Variants in PTPN18 observed in about 807,000 individuals in gnomAD.
The protein encoded by PTPN18 is protein tyrosine phosphatase non-receptor type 18, also known as tyrosine-protein phosphatase non-receptor type 18.
PTPN18 carries 65 observed loss-of-function variants against 65.4 expected under a neutral mutation model. That is an observed-to-expected ratio of 0.99 (90% CI 0.81 to 1.22). PTPN18 has a LOEUF of 1.22. Among genes scored for constraint, PTPN18 ranks in the 50% most tolerant of loss-of-function variants. The probability of loss-of-function intolerance (pLI) is 0.00; values close to 1 mark genes in which losing one functional copy is unlikely to be tolerated. For missense variants in PTPN18, 616 were observed against 646.5 expected, an observed-to-expected ratio of 0.95 and a Z score of 0.51; for synonymous variants, 255 against 267.8, an observed-to-expected ratio of 0.95 and a Z score of 0.47.
At chr2:130,369,457 T>G (rs1468123171) in intron 6 of PTPN18, among the ~76,000 whole-genome samples, 1 of 152,182 alleles carries the variant, frequency 6.6e-6, no homozygotes, top group Non-Finnish European at 1.5e-5. Context: ...CAAAAGAGCT[T>G]GGGGAACTCT....
Position 130,369,818 on chromosome 2 carries a change from A to C in PTPN18, c.537A>C (p.Thr179=), listed in dbSNP as rs779331894. The change falls in exon 7 of 15, where the codon ACA becomes ACC. Residue 179 remains threonine (T), a synonymous_variant. Transcript: ENST00000175756. ...EDIMLRTLKV[T]FQKESRSVYQ... ...TCATGCTCAGGACCCTCAAGGTCAC[A>C]TTCCAGAAGGTACTGTGACAGGGGA... The C allele has an allele frequency of 2.5e-6, 4 of 1,598,758 alleles. No individual in the cohort carries two copies. Among genetic ancestry groups the C allele is most frequent in the Non-Finnish European group, 1.7e-6 (2 of 1,166,382 alleles).
At chr2:130,370,286 C>T in intron 8 of PTPN18, 96 bp downstream of exon 8, 1 of 1,541,290 alleles carries the variant, frequency 6.5e-7, no homozygotes, top group South Asian at 1.2e-5. Flanking sequence ...AGTCTGAGTG[C>T]CTATTTTGAG....
At chr2:130,359,026 C>T (rs370291726) in intron 2 of PTPN18, 51 bp downstream of exon 2, 310 of 1,572,130 alleles carry the variant, frequency 2.0e-4, no homozygotes, top group Non-Finnish European at 2.6e-4. Context: ...CGCCCTGCCA[C>T]GTCCAGGCGT....
chr2:130,363,299 T>C (rs1166671347), intron 5 of PTPN18, among the ~76,000 whole-genome samples: 1 of 151,290 alleles, frequency 6.6e-6, no homozygotes, highest in Admixed American at 6.6e-5. Flanking sequence ...ATACAAACAT[T>C]AGCTGGGCAT....
At chr2:130,372,153 C>G (rs1358151212) in intron 12 of PTPN18, 104 bp from the exon 13 acceptor site, 4 of 1,141,690 alleles carry the variant, frequency 3.5e-6, no homozygotes, top group Non-Finnish European at 4.9e-6. Flanking sequence ...TAGCGCACCG[C>G]CTCGGCGGGA....
Position 130,370,131 on chromosome 2 carries a change from G to T in PTPN18, c.630G>T (p.Met210Ile), listed in dbSNP as rs150954637. 2.6e-4 allele frequency: 412 copies of T among 1,614,046 alleles called. 1 individual carries two copies. The African/African-American group carries it at 5.1e-3, about 20-fold the overall frequency. Residue 210 changes from methionine (M) to isoleucine (I), a missense_variant, in exon 8 of 15, where the codon ATG (methionine) becomes ATT (isoleucine). Coordinates refer to ENST00000175756, the MANE Select transcript of PTPN18 (RefSeq NM_014369.4). ...GCAGTCCTGACCACATGCTCGCCAT[G>T]GTGGAGGAAGCCCGTCGCCTCCAGG... ...VPSSPDHMLA[M>I]VEEARRLQGS... is the part of the protein sequence containing the mutation.
At chr2:130,371,413 G>C in intron 12 of PTPN18, 126 bp downstream of exon 12, 1 of 815,270 alleles carries the variant, frequency 1.2e-6, no homozygotes, top group Non-Finnish European at 1.9e-6. Context: ...TCTTCGAATT[G>C]AGCTCTGGGA....
rs1455238145 is a variant in PTPN18 at position 130,359,502 on chromosome 2, T to TG, written c.375+15dup. On this transcript the variant is annotated intron_variant, in intron 4 of 14. Coordinates refer to ENST00000175756, the MANE Select transcript of PTPN18 (RefSeq NM_014369.4). Reference sequence around the variant, plus strand: ...GGAGTTTGGGGTCAAGGTCAGCACTTGGGGGTGCGGCACAATGGTGGGGTC... The same window carrying TG: ...GGAGTTTGGGGTCAAGGTCAGCACTTGGGGGGTGCGGCACAATGGTGGGGTC... 6.2e-7 allele frequency: 1 copy of TG among 1,613,960 alleles called. No individual in the cohort carries two copies. Among genetic ancestry groups the TG allele is most frequent in the South Asian group, 1.1e-5 (1 of 91,074 alleles).
rs1680690857 is a variant in PTPN18, at chr2:130,374,746, CCT to C, written c.*1523_*1524del. On this transcript the variant is annotated 3_prime_UTR_variant, in exon 15 of 15. Transcript: ENST00000175756. ...CAGTGCCCTGGGCCCCATGTCCACC[CCT>C]GTCCTGCCCTTCTCTGGGATAGGGC... The C allele has an allele frequency of 2.1e-6, 1 of 466,880 alleles. No individual in the cohort carries two copies. The highest frequency in any genetic ancestry group is 4.4e-6 in the Non-Finnish European group (1 of 226,224). 28.9% of individuals were successfully genotyped at this position (466,880 alleles called of 1,614,324 possible).
rs746530309 is a variant in PTPN18, at chr2:130,359,399, C to T, written c.282C>T (p.Gly94=). The change falls in exon 4 of 15, where the codon GGC becomes GGT. Residue 94 remains glycine (G), a splice_region_variant and synonymous_variant. Coordinates refer to ENST00000175756, the MANE Select transcript of PTPN18 (RefSeq NM_014369.4). The part of the protein sequence containing the change: ...SDYINGNFIR[G]VDGSLAYIAT... Reference sequence around the variant, plus strand: ...GTCGTGAATTCGGCCTTCACCAGGGCGTGGATGGAAGCCTGGCCTACATTG... The same window carrying T: ...GTCGTGAATTCGGCCTTCACCAGGGTGTGGATGGAAGCCTGGCCTACATTG... 1.1e-5 allele frequency: 18 copies of T among 1,614,018 alleles called. No individual in the cohort carries two copies. The highest frequency in any genetic ancestry group is 5.0e-5 in the Admixed American group (3 of 59,998).
chr2:130,369,734 T>A, intron 6 of PTPN18, 31 bp from the exon 7 acceptor site: 1 of 1,532,214 alleles, frequency 6.5e-7, no homozygotes, highest in South Asian at 1.1e-5. Flanking sequence ...TTCTCCTCCC[T>A]CTTCTTACTT....
At position 130,372,631 on chromosome 2, in the gene PTPN18, CT is replaced by C. The variant is rs753780917; in HGVS notation, c.1240+149del. ...CCCCGACGCTGATGTCCAGGCGTCC[CT>C]GGCCACGCCCCGGAAGCGCCCCCTG... On this transcript the variant is annotated intron_variant, in intron 13 of 14. Transcript: ENST00000175756. The C allele has an allele frequency of 3.1e-4, 346 of 1,131,490 alleles. 1 individual carries two copies. The highest frequency in any genetic ancestry group is 1.1e-3 in the Admixed American group (37 of 34,250). The allele number at this position is 1,131,490 out of a possible 1,614,324, so 70.1% of individuals were successfully genotyped here. A position where few individuals can be genotyped will look rare whatever the true frequency, so the allele number is the denominator to read the frequency against.
At position 130,374,017 on chromosome 2, in the gene PTPN18, G is replaced by C. The variant is rs548585010; in HGVS notation, c.*793G>C. On this transcript the variant is annotated 3_prime_UTR_variant, in exon 15 of 15. Coordinates refer to ENST00000175756, the MANE Select transcript of PTPN18 (RefSeq NM_014369.4). ...GGCTGGCTGACAGACCTTCTGGCCA[G>C]ACAGACTCCTAACCAACCAGATGGA... The C allele has an allele frequency of 1.2e-4, 18 of 152,914 alleles. No individual in the cohort carries two copies. Among genetic ancestry groups the C allele is most frequent in the African/African-American group, 3.4e-4 (14 of 41,526 alleles). 9.5% of individuals were successfully genotyped at this position (152,914 alleles called of 1,614,324 possible). A position where few individuals can be genotyped will look rare whatever the true frequency, so the allele number is the denominator to read the frequency against.
intron 13 of PTPN18, 24 bp downstream of exon 13, chr2:130,372,507 CAG>C (rs1680604534): frequency 7.2e-7 from 1 of 1,388,914 alleles, no homozygotes. Flanking sequence ...TGCTCCTTCT[CAG>C]GGCATCATCC....
chr2:130,364,594 A>T (rs1401667717), intron 5 of PTPN18, among the ~76,000 whole-genome samples: 1 of 152,206 alleles, frequency 6.6e-6, no homozygotes, highest in Non-Finnish European at 1.5e-5. Flanking sequence ...CAGGAGATCG[A>T]GACCAGCCTG....
chr2:130,366,361 T>C (rs1573862502), intron 5 of PTPN18, among the ~76,000 whole-genome samples: 1 of 152,228 alleles, frequency 6.6e-6, no homozygotes, highest in African/African-American at 2.4e-5. Context: ...TTGAGTTTTG[T>C]CAAATTTTGT....
intron 12 of PTPN18, chr2:130,372,009 G>T: frequency 2.1e-6 from 1 of 483,308 alleles, no homozygotes; most frequent in African/African-American, 2.0e-5. Context: ...ACACAGAAAT[G>T]ACCACCCCTC....
Position 130,358,950 on chromosome 2 carries a change from G to A in PTPN18, c.177G>A (p.Lys59=), listed in dbSNP as rs1162837227. 1.9e-6 allele frequency: 3 copies of A among 1,614,100 alleles called. No individual in the cohort carries two copies. Among genetic ancestry groups the A allele is most frequent in the African/African-American group, 2.7e-5 (2 of 74,950 alleles). The change falls in exon 2 of 15, where the codon AAG becomes AAA. Residue 59 remains lysine, a synonymous_variant. Coordinates refer to ENST00000175756, the MANE Select transcript of PTPN18 (RefSeq NM_014369.4). ...VAGSRPENVR[K]NRYKDVLPYD... ...GCAGTCGGCCAGAGAACGTGAGGAA[G>A]AACCGCTACAAAGACGTGCTGCCTT... is the stretch of plus-strand genomic sequence containing the variant.
chr2:130,369,289 C>A, intron 6 of PTPN18, 88 bp downstream of exon 6: 1 of 1,211,902 alleles, frequency 8.3e-7, no homozygotes, highest in Non-Finnish European at 1.2e-6. Flanking sequence ...ACCCACAGTC[C>A]ACTCATACTG....
Sources: allele counts gnomAD v4.1 joint callset (sites outside exome capture counted in the v4.1 genomes callset), GRCh38; gene constraint gnomAD v4.1.1; transcripts MANE v1.5; gene names NCBI Gene and HGNC (gene_info 2026-07-23, HGNC 2026-07-21).